Variants in SLC41A1 observed in about 807,000 individuals in gnomAD.
SLC41A1 encodes solute carrier family 41 member 1.
Under a neutral mutation model 47.3 loss-of-function variants are expected in SLC41A1, and 20 were observed. That is an observed-to-expected ratio of 0.42 (90% confidence interval 0.30 to 0.61). The LOEUF is 0.61. Ranked by LOEUF, SLC41A1 falls within the 20% of genes least tolerant of loss-of-function variation. SLC41A1 has a pLI of 0.17. For missense variants in SLC41A1, 504 were observed against 674.1 expected (o/e 0.75, Z 2.79); for synonymous variants, 282 against 272.7 (o/e 1.03, Z -0.34).
Position 205,813,091 on chromosome 1 carries a change from C to G in SLC41A1, c.-930G>C. 1.0e-6 allele frequency: 1 copy of G among 985,510 alleles called. No homozygotes were observed. Among genetic ancestry groups the G allele is most frequent in the Non-Finnish European group, 1.2e-6 (1 of 829,988 alleles). The allele number at this position is 985,510 out of a possible 1,614,324, so 61.0% of individuals were successfully genotyped here. A position where few individuals can be genotyped will look rare whatever the true frequency, so the allele number is the denominator to read the frequency against. On this transcript the variant is annotated 5_prime_UTR_variant, in exon 1 of 11. Transcript: ENST00000367137. ...GCTTCGGGCCCGGCGGGGGGGCACC[C>G]GGACGGGGGACCGGGGAGCCGAGCT...
In SLC41A1 at chr1:205,795,397, G is replaced by A. The variant is rs371829065; in HGVS notation, c.1154C>T (p.Ser385Phe). 6.2e-7 allele frequency: 1 copy of A among 1,614,116 alleles called. No individual in the cohort carries two copies. Among genetic ancestry groups the A allele is most frequent in the African/African-American group, 1.3e-5 (1 of 74,928 alleles). ...GGGACAGCGGCGAGGAGCTTGCTCAGAGTTCTCTCCGGGCATTCCATTCAT... is the reference window on the plus strand; with the variant it reads ...GGGACAGCGGCGAGGAGCTTGCTCAAAGTTCTCTCCGGGCATTCCATTCAT... The part of the protein sequence containing the change: ...LHMNGMPGEN[S>F]EQAPRRCPSP... Residue 385 changes from serine to phenylalanine, a missense_variant, in exon 9 of 11, where the codon TCT (serine) becomes TTT (phenylalanine). Coordinates refer to ENST00000367137, the MANE Select transcript of SLC41A1 (RefSeq NM_173854.6).
intron 8 of SLC41A1, chr1:205,796,486 A>T (rs1655753737): frequency 4.1e-6 from 1 of 241,970 alleles, no homozygotes; most frequent in Non-Finnish European, 8.2e-6. Context: ...CCCATTTTGC[A>T]CATGCCCAGT....
chr1:205,809,498 C>T (rs1656093683), intron 2 of SLC41A1, among the ~76,000 whole-genome samples: 1 of 152,226 alleles, frequency 6.6e-6, no homozygotes. Context: ...ATGCATCAGA[C>T]AGCAAGTGCC....
chr1:205,794,759 G>T, intron 10 of SLC41A1, 111 bp downstream of exon 10: 2 of 1,427,088 alleles, frequency 1.4e-6, no homozygotes, highest in Non-Finnish European at 1.9e-6. Context: ...CAGCTGCCCT[G>T]ACACAGAGAA....
chr1:205,811,437 C>T (rs1311886664), intron 1 of SLC41A1, among the ~76,000 whole-genome samples: 1 of 152,104 alleles, frequency 6.6e-6, no homozygotes, highest in Non-Finnish European at 1.5e-5. Context: ...TCAGCAAGAC[C>T]CCTTCTTGAA....
intron 1 of SLC41A1, among the ~76,000 whole-genome samples, chr1:205,811,966 G>A (rs1306737386): frequency 3.3e-5 from 5 of 151,954 alleles, no homozygotes; most frequent in Non-Finnish European, 7.4e-5. Context: ...GGATATAGTG[G>A]AATTCTTAGA....
At chr1:205,803,107 T>C (rs1655928961) in intron 2 of SLC41A1, among the ~76,000 whole-genome samples, 1 of 152,074 alleles carries the variant, frequency 6.6e-6, no homozygotes, top group Non-Finnish European at 1.5e-5. Context: ...AGTTGGAGGT[T>C]GCAGTGAGCC....
intron 2 of SLC41A1, among the ~76,000 whole-genome samples, chr1:205,803,872 C>T (rs541887145): frequency 3.5e-4 from 54 of 152,142 alleles, no homozygotes; most frequent in South Asian, 1.2e-3. Context: ...CCTCTCGCCT[C>T]GACCTCCCAA....
intron 1 of SLC41A1, among the ~76,000 whole-genome samples, chr1:205,811,374 G>A (rs1000432259): frequency 1.3e-5 from 2 of 152,218 alleles, no homozygotes; most frequent in African/African-American, 4.8e-5. Flanking sequence ...AAGATGCTGT[G>A]CAGAAGCCCT....
chr1:205,796,516 T>A (rs1376275481), intron 8 of SLC41A1: 1 of 254,960 alleles, frequency 3.9e-6, no homozygotes, highest in African/African-American at 2.2e-5. Flanking sequence ...GTTTCTCCAT[T>A]TGGATGTTTG....
chr1:205,797,826 C>G, intron 7 of SLC41A1, 78 bp downstream of exon 7: 1 of 1,581,402 alleles, frequency 6.3e-7, no homozygotes. Context: ...ACCCCCACCC[C>G]ATCTCTCCAG....
rs1047439775 is a variant in SLC41A1, at chr1:205,812,859, CGTGGTCTCGGGGG to C, written c.-711_-699del. ...GCGCCTGGCAAGTGGCAGCGTGGCCCGTGGTCTCGGGGGGTGCAGGGCACCCCCTCTTCTCATC... is the reference window on the plus strand; with the variant it reads ...GCGCCTGGCAAGTGGCAGCGTGGCCCGTGCAGGGCACCCCCTCTTCTCATC... On this transcript the variant is annotated 5_prime_UTR_variant, in exon 1 of 11. An upstream open reading frame in the 5' UTR gains an earlier in-frame stop. Transcript: ENST00000367137. 1 of 985,402 alleles carries C rather than the reference CGTGGTCTCGGGGG, an allele frequency of 1.0e-6. No individual in the cohort carries two copies. The highest frequency in any genetic ancestry group is 1.7e-5 in the African/African-American group (1 of 57,348). The allele number at this position is 985,402 out of a possible 1,614,324, so 61.0% of individuals were successfully genotyped here. A position where few individuals can be genotyped will look rare whatever the true frequency, so the allele number is the denominator to read the frequency against.
chr1:205,810,705 C>T lies in SLC41A1; in HGVS notation c.-264G>A. 1.8e-6 allele frequency: 1 copy of T among 548,762 alleles called. No homozygotes were observed. Among genetic ancestry groups the T allele is most frequent in the Non-Finnish European group, 3.3e-6 (1 of 305,512 alleles). 34.0% of individuals were successfully genotyped at this position (548,762 alleles called of 1,614,324 possible). A position where few individuals can be genotyped will look rare whatever the true frequency, so the allele number is the denominator to read the frequency against. On this transcript the variant is annotated 5_prime_UTR_variant, in exon 2 of 11. An upstream open reading frame in the 5' UTR gains an earlier in-frame stop. Coordinates refer to ENST00000367137, the MANE Select transcript of SLC41A1 (RefSeq NM_173854.6). This position sits in a 1 kb window ranked among gnomAD's most constrained non-coding sequence, Gnocchi z 5.5. ...CACTAGGGGTGCAGATGCCTGACTC[C>T]AACCCACCAGCTCTGTGCTTGAAGA...
chr1:205,801,489 T>C (rs373175282), intron 2 of SLC41A1: 2 of 279,062 alleles, frequency 7.2e-6, no homozygotes, highest in African/African-American at 2.2e-5. Context: ...CTGTGAAGAG[T>C]TGGGCTCCAC....
chr1:205,809,954 T>C (rs1656106555), intron 2 of SLC41A1, 116 bp downstream of exon 2: 9 of 1,441,594 alleles, frequency 6.2e-6, no homozygotes, highest in Non-Finnish European at 8.6e-6. Flanking sequence ...AGGAAAACAG[T>C]ATTCTAGGAA....
chr1:205,792,757 G>C (rs184487055), intron 10 of SLC41A1, among the ~76,000 whole-genome samples: 1 of 152,116 alleles, frequency 6.6e-6, no homozygotes, highest in Non-Finnish European at 1.5e-5. Flanking sequence ...AGATTCTGAC[G>C]GTCAAGCTCT....
intron 3 of SLC41A1, among the ~76,000 whole-genome samples, 182 bp downstream of exon 3, chr1:205,800,771 C>T (rs181323445): frequency 2.4e-4 from 36 of 152,250 alleles, no homozygotes; most frequent in African/African-American, 7.9e-4. Flanking sequence ...AGCCCCTGCC[C>T]AGGAGCAGGA....
At chr1:205,798,641 C>T in intron 6 of SLC41A1, 28 bp downstream of exon 6, 2 of 1,614,142 alleles carry the variant, frequency 1.2e-6, no homozygotes, top group Non-Finnish European at 1.7e-6. Flanking sequence ...ACCCAGGACT[C>T]CAAGAAGCCA....
At position 205,790,850 on chromosome 1, in the gene SLC41A1, C is replaced by A. The variant is rs961568122; in HGVS notation, c.*683G>T. Reference sequence around the variant, plus strand: ...ATTTTTTCCTGGATATGACAATCAACTGGAAATGATCAGAGGGAGGGGTTG... The same window carrying A: ...ATTTTTTCCTGGATATGACAATCAAATGGAAATGATCAGAGGGAGGGGTTG... On this transcript the variant is annotated 3_prime_UTR_variant, in exon 11 of 11. Transcript: ENST00000367137. The A allele has an allele frequency of 6.5e-6, 1 of 153,944 alleles. No homozygotes were observed. Among genetic ancestry groups the A allele is most frequent in the African/African-American group, 2.4e-5 (1 of 41,456 alleles). 9.5% of individuals were successfully genotyped at this position (153,944 alleles called of 1,614,324 possible).
Sources: allele counts gnomAD v4.1 joint callset (sites outside exome capture counted in the v4.1 genomes callset), GRCh38; gene constraint gnomAD v4.1.1; non-coding constraint Gnocchi (gnomAD v3.1); transcripts MANE v1.5; gene names NCBI Gene and HGNC (gene_info 2026-07-23, HGNC 2026-07-21).